C2CD3: variants seen among roughly 807,000 people sequenced by gnomAD.
C2CD3 encodes the protein C2 domain containing 3 centriole elongation regulator, also known as C2 domain-containing protein 3.
In C2CD3, 148 loss-of-function variants were observed where a neutral mutation model predicts 234.0. The ratio of observed to expected loss-of-function variants is 0.63; its 90% CI spans 0.55 to 0.72. The LOEUF (loss-of-function observed/expected upper bound fraction) is 0.72. Ranked by LOEUF, C2CD3 falls within the 30% of genes least tolerant of loss-of-function variation. The pLI, the probability that C2CD3 is intolerant of heterozygous loss-of-function variation, is 0.00. For synonymous variants in C2CD3, 1,000 were observed against 1,035.4 expected (o/e 0.97, Z 0.66); for missense variants, 2,577 against 2,811.5 (o/e 0.92, Z 1.89).
At chr11:74,104,893 AC>A (rs879923525) in intron 13 of C2CD3, among the ~76,000 whole-genome samples, 7 of 152,158 alleles carry the variant, frequency 4.6e-5, no homozygotes, top group African/African-American at 9.7e-5. Flanking sequence ...CCTATTTATA[AC>A]CCCTTTCTGA....
At chr11:74,162,980 A>T (rs959421728) in intron 2 of C2CD3, among the ~76,000 whole-genome samples, 3 of 152,196 alleles carry the variant, frequency 2.0e-5, no homozygotes, top group Non-Finnish European at 4.4e-5. Context: ...AAACTTCTCA[A>T]CTATACTCTT....
At chr11:74,117,278 C>T (rs1269186460) in intron 9 of C2CD3, among the ~76,000 whole-genome samples, 1 of 119,974 alleles carries the variant, frequency 8.3e-6, no homozygotes, top group East Asian at 2.3e-4. Context: ...CCAGCCTGGG[C>T]AACATAGTGA....
intron 24 of C2CD3, among the ~76,000 whole-genome samples, chr11:74,065,709 C>G (rs555398376): frequency 6.6e-6 from 1 of 151,456 alleles, no homozygotes; most frequent in Non-Finnish European, 1.5e-5. Context: ...GTGGCACATA[C>G]ACACCATGGA....
rs1956841831 is a variant in C2CD3 at position 74,113,954 on chromosome 11, A to G, written c.1731-62T>C. The stretch of plus-strand genomic sequence containing the variant: ...ACAATAAACCTAATTTCCGTCTGAT[A>G]AATCCAACATATATTTGAAATCTTA... On this transcript the variant is annotated intron_variant, in intron 10 of 32. Transcript: ENST00000334126. 6 of 988,316 alleles carry G rather than the reference A, an allele frequency of 6.1e-6. No homozygotes were observed. In the South Asian group the frequency reaches 7.8e-5, roughly 13 times the overall value. The allele number at this position is 988,316 out of a possible 1,614,324, so 61.2% of individuals were successfully genotyped here.
chr11:74,147,713 AT>A (rs764614427), intron 3 of C2CD3, among the ~76,000 whole-genome samples: 1 of 152,224 alleles, frequency 6.6e-6, no homozygotes, highest in Non-Finnish European at 1.5e-5. Flanking sequence ...ACCATATTTC[AT>A]TCAATTTACT....
chr11:74,096,267 G>A (rs1956104388), intron 16 of C2CD3, among the ~76,000 whole-genome samples: 1 of 152,066 alleles, frequency 6.6e-6, no homozygotes, highest in African/African-American at 2.4e-5. Flanking sequence ...GAATTATTCA[G>A]GAAAATTCAA....
chr11:74,033,294 A>G, intron 31 of C2CD3, 57 bp downstream of exon 31: 1 of 1,453,498 alleles, frequency 6.9e-7, no homozygotes, highest in Admixed American at 2.0e-5. Flanking sequence ...TCACACTCAC[A>G]CTAGGCTAGT....
chr11:74,013,966 G>A (rs771788179), intron 32 of C2CD3, among the ~76,000 whole-genome samples: 65 of 152,274 alleles, frequency 4.3e-4, no homozygotes, highest in Non-Finnish European at 5.9e-4. Flanking sequence ...GGGAGATGGC[G>A]GTGAATAATA....
rs189166797 is a variant in C2CD3 at position 74,021,811 on chromosome 11, G to C, written c.6921+6476C>G. The stretch of plus-strand genomic sequence containing the variant: ...AATAAATGGTGGTGGAAAAGTGCAA[G>C]TATAAGTGAGACTGGTTAGAAATAG... On this transcript the variant is annotated intron_variant, in intron 32 of 32. Transcript: ENST00000334126. 3.2e-3 allele frequency among the ~76,000 whole-genome samples: 491 copies of C among 152,274 alleles called. 3 individuals are homozygous for C. In the Middle Eastern group the frequency reaches 0.037, roughly 12 times the overall value.
intron 17 of C2CD3, 46 bp from the exon 18 acceptor site, chr11:74,094,045 G>A (rs948438937): frequency 2.0e-6 from 3 of 1,477,750 alleles, no homozygotes; most frequent in Non-Finnish European, 1.9e-6. Context: ...ATATGACTTA[G>A]TGTTTTCTTC....
At chr11:74,148,728 C>G (rs553266680) in intron 3 of C2CD3, among the ~76,000 whole-genome samples, 6 of 152,106 alleles carry the variant, frequency 3.9e-5, no homozygotes, top group African/African-American at 1.4e-4. Context: ...CTGATCTTCC[C>G]CTTCACAGCA....
At chr11:74,106,607 G>A in intron 12 of C2CD3, 114 bp from the exon 13 acceptor site, 1 of 993,322 alleles carries the variant, frequency 1.0e-6, no homozygotes, top group South Asian at 1.7e-5. Flanking sequence ...GAAGAAAAAA[G>A]CTTAATTATC....
intron 26 of C2CD3, among the ~76,000 whole-genome samples, chr11:74,053,308 G>A (rs1041361572): frequency 1.2e-4 from 18 of 152,106 alleles, no homozygotes; most frequent in African/African-American, 3.4e-4. Flanking sequence ...AAACTGATAC[G>A]GTATTTACTA....
intron 24 of C2CD3, among the ~76,000 whole-genome samples, chr11:74,060,739 C>T (rs189428020): frequency 1.3e-5 from 2 of 152,188 alleles, no homozygotes; most frequent in Non-Finnish European, 2.9e-5. Flanking sequence ...CACAGCTCTT[C>T]GCCAGCAACG....
intron 18 of C2CD3, 126 bp from the exon 19 acceptor site, chr11:74,092,714 G>T: frequency 1.4e-6 from 1 of 712,132 alleles, no homozygotes; most frequent in Non-Finnish European, 2.3e-6. Flanking sequence ...GTAGTACGCA[G>T]CTATGGTGTC....
intron 32 of C2CD3, among the ~76,000 whole-genome samples, chr11:74,022,470 G>C (rs1952130623): frequency 6.6e-6 from 1 of 152,164 alleles, no homozygotes; most frequent in South Asian, 2.1e-4. Context: ...CGGCATGAGA[G>C]AGAAGACTAG....
chr11:74,093,381 A>G (rs1955973646), intron 18 of C2CD3, among the ~76,000 whole-genome samples: 2 of 148,912 alleles, frequency 1.3e-5, no homozygotes, highest in Non-Finnish European at 1.5e-5. Context: ...TATTTATAAA[A>G]TAAATATAAA....
chr11:74,076,850 G>A (rs1350115570), intron 23 of C2CD3, among the ~76,000 whole-genome samples: 2 of 152,068 alleles, frequency 1.3e-5, no homozygotes, highest in Non-Finnish European at 2.9e-5. Flanking sequence ...TATCCTTAGA[G>A]GTGTCATGTC....
chr11:74,168,781 A>G (rs1235730667), intron 1 of C2CD3, among the ~76,000 whole-genome samples, 168 bp from the exon 2 acceptor site: 2 of 152,244 alleles, frequency 1.3e-5, no homozygotes, highest in Non-Finnish European at 2.9e-5. Flanking sequence ...CATGAGAAGT[A>G]ACTATCAAAT....
Sources: gnomAD v4.1 joint callset for allele counts (sites outside exome capture counted in the v4.1 genomes callset) on GRCh38, gnomAD v4.1.1 for gene constraint, MANE v1.5 for transcripts, NCBI Gene and HGNC (gene_info 2026-07-23, HGNC 2026-07-21) for gene names.